EIF3B: variants seen among roughly 807,000 people sequenced by gnomAD.
EIF3B encodes eukaryotic translation initiation factor 3 subunit B, also known as eukaryotic translation initiation factor 3 subunit 9.
A neutral mutation model predicts 104.6 loss-of-function variants in EIF3B; 10 were observed. The ratio of observed to expected loss-of-function variants is 0.10; its 90% CI spans 0.06 to 0.16. The LOEUF (loss-of-function observed/expected upper bound fraction) is 0.16, where lower values mean the gene tolerates loss of function less well. Among genes scored for constraint, EIF3B ranks in the 10% least tolerant of loss-of-function variants. The pLI is 1.00. For synonymous variants in EIF3B, 542 were observed against 417.2 expected, an observed-to-expected ratio of 1.30 and a Z score of -3.65; for missense variants, 1,014 against 1,087.9, an observed-to-expected ratio of 0.93 and a Z score of 0.96.
chr7:2,369,765 A>ATTTTTTTTTT (rs552367791), intron 10 of EIF3B, 83 bp downstream of exon 10: 1 of 304,052 alleles, frequency 3.3e-6, no homozygotes, highest in African/African-American at 5.0e-5. Context: ...GTGTTAATGG[A>ATTTTTTTTTT]TTTTTTTTTT....
At chr7:2,378,835 G>A in intron 16 of EIF3B, 69 bp downstream of exon 16, 1 of 1,387,160 alleles carries the variant, frequency 7.2e-7, no homozygotes, top group Non-Finnish European at 1.0e-6. Context: ...GGGGCTGCGG[G>A]GAGCTGCTGT....
At chr7:2,354,720 G>A, upstream of EIF3B, 1 of 236,576 alleles carries the variant, frequency 4.2e-6, no homozygotes, top group Non-Finnish European at 7.5e-6. Context: ...ATGATTTTCG[G>A]GCGCGGTCTT....
At chr7:2,379,107 C>A (rs554618755) in intron 16 of EIF3B, 27 bp from the exon 17 acceptor site, 5 of 1,603,928 alleles carry the variant, frequency 3.1e-6, no homozygotes, top group Middle Eastern at 1.7e-4. Flanking sequence ...CTTACCAGTT[C>A]TGTGCTTTCC....
At chr7:2,379,034 G>A in intron 16 of EIF3B, 100 bp from the exon 17 acceptor site, 16 of 992,026 alleles carry the variant, frequency 1.6e-5, no homozygotes, top group Non-Finnish European at 2.5e-5. Flanking sequence ...GAGTGCCTCT[G>A]TATGCTGTCC....
intron 6 of EIF3B, 31 bp downstream of exon 6, chr7:2,364,560 A>C (rs942832981): frequency 3.8e-6 from 6 of 1,594,342 alleles, no homozygotes; most frequent in South Asian, 1.1e-5. Flanking sequence ...AGGGGAGTCT[A>C]TGCATTTCAC....
intron 18 of EIF3B, 35 bp downstream of exon 18, chr7:2,379,546 T>C: frequency 8.2e-6 from 11 of 1,345,876 alleles, no homozygotes; most frequent in Non-Finnish European, 1.1e-5. Context: ...GGGGGTCCTG[T>C]TGGCTGCTCA....
intron 1 of EIF3B, among the ~76,000 whole-genome samples, chr7:2,358,488 A>T (rs961875211): frequency 1.5e-5 from 2 of 130,622 alleles, no homozygotes; most frequent in Non-Finnish European, 3.5e-5. Flanking sequence ...ACAGTAAAGA[A>T]TATTTTCGGA....
chr7:2,369,871 G>A (rs1481771018), intron 10 of EIF3B, among the ~76,000 whole-genome samples, 189 bp downstream of exon 10: 5 of 135,198 alleles, frequency 3.7e-5, no homozygotes, highest in African/African-American at 1.4e-4. Flanking sequence ...CTGCCTCCTG[G>A]TTTCAAATGA....
chr7:2,357,904 C>G (rs1221702605), intron 1 of EIF3B, among the ~76,000 whole-genome samples: 3 of 152,140 alleles, frequency 2.0e-5, no homozygotes, highest in Non-Finnish European at 2.9e-5. Flanking sequence ...TCAGATCAGG[C>G]TTGTCAGGCT....
At position 2,376,978 on chromosome 7, in the gene EIF3B, T is replaced by C; in HGVS notation, c.2057T>C (p.Phe686Ser). The change falls in exon 15 of 19, where the codon TTC becomes TCC. Residue 686 changes from phenylalanine to serine, a missense_variant. Physicochemically the swap from Phe to Ser is radical, Grantham distance 155. Transcript: ENST00000360876. ...KVDNAYWLWT[F>S]QGRLLQKNNK... The stretch of plus-strand genomic sequence containing the variant: ...GACAACGCGTACTGGCTGTGGACTT[T>C]CCAGGGACGCCTCCTGCAGAAGAAC... 3.7e-6 allele frequency: 6 copies of C among 1,613,948 alleles called. No individual in the cohort carries two copies. The highest frequency in any genetic ancestry group is 5.1e-6 in the Non-Finnish European group (6 of 1,180,022).
chr7:2,375,298 CT>C (rs1437059513), intron 13 of EIF3B, 90 bp from the exon 14 acceptor site: 2 of 1,567,952 alleles, frequency 1.3e-6, no homozygotes, highest in African/African-American at 2.7e-5. Flanking sequence ...GGCTGGCTCC[CT>C]GGGGACCCCA....
Position 2,369,678 on chromosome 7 carries a change from C to A in EIF3B, c.1610C>A (p.Thr537Asn). Reference sequence around the variant, plus strand: ...AAAGTAGATAGGACTCCGAAAGGCACCCAGGTATGTAGATTCCCACAGGAA... The same window carrying A: ...AAAGTAGATAGGACTCCGAAAGGCAACCAGGTATGTAGATTCCCACAGGAA... ...CVKVDRTPKGTQGVVTNFEIF... is the reference protein window; with the variant it reads ...CVKVDRTPKGNQGVVTNFEIF... Residue 537 changes from threonine (T) to asparagine (N), a missense_variant, in exon 10 of 19, where the codon ACC becomes AAC. Transcript: ENST00000360876. 6.2e-7 allele frequency: 1 copy of A among 1,613,404 alleles called. No homozygotes were observed. Among genetic ancestry groups the A allele is most frequent in the Middle Eastern group, 1.7e-4 (1 of 6,000 alleles).
chr7:2,379,686 C>T lies in EIF3B; in HGVS notation c.*14+175C>T, dbSNP rs1178142443. The T allele has an allele frequency of 2.0e-4, 120 of 593,998 alleles. No homozygotes were observed. The Admixed American group carries it at 3.4e-3, about 17-fold the overall frequency. 36.8% of individuals were successfully genotyped at this position (593,998 alleles called of 1,614,324 possible). A position where few individuals can be genotyped will look rare whatever the true frequency, so the allele number is the denominator to read the frequency against. ...AAATGTAGAGTCGGTGCCGACGTGG[C>T]CTCGACTGCGCCCTCTGACCACATT... On this transcript the variant is annotated intron_variant, in intron 18 of 18. Coordinates refer to ENST00000360876, the MANE Select transcript of EIF3B (RefSeq NM_001037283.2).
intron 3 of EIF3B, 46 bp from the exon 4 acceptor site, chr7:2,363,024 T>C (rs370414473): frequency 3.7e-6 from 6 of 1,606,946 alleles, no homozygotes; most frequent in Non-Finnish European, 5.1e-6. Context: ...AGTTGCTCTT[T>C]CTAGTCGTCA....
chr7:2,371,633 C>A (rs537823089), intron 10 of EIF3B, 144 bp from the exon 11 acceptor site: 7 of 676,354 alleles, frequency 1.0e-5, no homozygotes, highest in Admixed American at 2.3e-5. Context: ...ATCCTGAGGG[C>A]TGTGGCTTTC....
At chr7:2,372,914 C>A in intron 12 of EIF3B, 119 bp downstream of exon 12, 1 of 1,176,766 alleles carries the variant, frequency 8.5e-7, no homozygotes, top group South Asian at 2.1e-5. Flanking sequence ...CGGGACTCGC[C>A]TATGAATGGG....
At chr7:2,379,628 G>A (rs1033425416) in intron 18 of EIF3B, 117 bp downstream of exon 18, 19 of 709,874 alleles carry the variant, frequency 2.7e-5, no homozygotes, top group African/African-American at 1.1e-4. Flanking sequence ...AAGCCCTAGT[G>A]TCATGTGCCC....
intron 9 of EIF3B, among the ~76,000 whole-genome samples, chr7:2,367,824 AATTTTTTTTTTTTTTTTT>A (rs1780111517): frequency 9.8e-6 from 1 of 101,724 alleles, no homozygotes; most frequent in South Asian, 3.2e-4. Context: ...CTTTTTTTAA[AATTTTTTTTTTTTTTTTT>A]TTTTTTTTTT....
Position 2,363,854 on chromosome 7 carries a change from A to G in EIF3B, c.999+94A>G, listed in dbSNP as rs1779869810. ...GTTTCTATCAGAAAACTGGAAGAGC[A>G]GGTGACGTTATATTTTCTTTGAGAT... On this transcript the variant is annotated intron_variant, in intron 5 of 18. Coordinates refer to ENST00000360876, the MANE Select transcript of EIF3B (RefSeq NM_001037283.2). 8 of 1,404,470 alleles carry G rather than the reference A, an allele frequency of 5.7e-6. No individual in the cohort carries two copies. The East Asian group carries it at 1.9e-4, about 33-fold the overall frequency. 87.0% of individuals were successfully genotyped at this position (1,404,470 alleles called of 1,614,324 possible).
Sources: gnomAD v4.1 joint callset for allele counts (sites outside exome capture counted in the v4.1 genomes callset) on GRCh38, gnomAD v4.1.1 for gene constraint, MANE v1.5 for transcripts, NCBI Gene and HGNC (gene_info 2026-07-23, HGNC 2026-07-21) for gene names.